The following UBE2E3 variants were observed in gnomAD, a reference collection of about 807,000 sequenced individuals.
The protein encoded by UBE2E3 is ubiquitin-conjugating enzyme E2 E3.
UBE2E3 carries 5 observed loss-of-function variants against 23.6 expected under a neutral mutation model. That is an observed-to-expected ratio of 0.21 (90% confidence interval 0.11 to 0.44). The LOEUF (loss-of-function observed/expected upper bound fraction) is 0.44. UBE2E3 is among the 20% of genes least tolerant of loss of function. UBE2E3 has a pLI of 0.99. For missense variants in UBE2E3, 81 were observed against 249.8 expected (o/e 0.32, Z 4.55); for synonymous variants, 78 against 87.5 (o/e 0.89, Z 0.60).
intron 3 of UBE2E3, among the ~76,000 whole-genome samples, chr2:180,997,279 T>A (rs1452083571): frequency 6.6e-6 from 1 of 152,084 alleles, no homozygotes; most frequent in Admixed American, 6.6e-5. Context: ...CTTTTGTGTC[T>A]TATATTTCTT....
chr2:181,010,011 A>G (rs1340990701), intron 3 of UBE2E3, among the ~76,000 whole-genome samples: 2 of 151,836 alleles, frequency 1.3e-5, no homozygotes, highest in African/African-American at 4.8e-5. Context: ...GCTTTGTTTT[A>G]TGCTACCCAG....
intron 3 of UBE2E3, among the ~76,000 whole-genome samples, chr2:181,034,735 A>G (rs1686214666): frequency 6.6e-6 from 1 of 152,212 alleles, no homozygotes; most frequent in Non-Finnish European, 1.5e-5. Flanking sequence ...TTTTATGTCC[A>G]GCTTAAAGTT....
chr2:181,048,357 T>G (rs1686732820), intron 3 of UBE2E3, among the ~76,000 whole-genome samples: 1 of 152,202 alleles, frequency 6.6e-6, no homozygotes, highest in Non-Finnish European at 1.5e-5. Context: ...TGAATGAATT[T>G]GTTTTCTTTA....
chr2:181,026,142 C>G (rs879001193), intron 3 of UBE2E3, among the ~76,000 whole-genome samples: 14 of 151,648 alleles, frequency 9.2e-5, no homozygotes, highest in Non-Finnish European at 1.8e-4. Context: ...TTTTAAACAG[C>G]AGGAAAAGAT....
intron 5 of UBE2E3, among the ~76,000 whole-genome samples, chr2:181,062,220 C>T (rs1168337513): frequency 6.6e-6 from 1 of 151,210 alleles, no homozygotes; most frequent in Non-Finnish European, 1.5e-5. Flanking sequence ...AATATTGTAC[C>T]ATATGTACAT....
At chr2:181,022,259 T>C (rs1035679884) in intron 3 of UBE2E3, among the ~76,000 whole-genome samples, 2 of 152,090 alleles carry the variant, frequency 1.3e-5, no homozygotes, top group African/African-American at 4.8e-5. Context: ...GAAAATAAGA[T>C]TAGTATTATT....
intron 4 of UBE2E3, among the ~76,000 whole-genome samples, chr2:181,060,314 T>G (rs62181579): frequency 6.6e-6 from 1 of 151,470 alleles, no homozygotes; most frequent in Admixed American, 6.6e-5. Flanking sequence ...AAACATTTCT[T>G]TTCTTCCTCA....
intron 5 of UBE2E3, among the ~76,000 whole-genome samples, chr2:181,061,488 T>C: frequency 6.9e-6 from 1 of 145,228 alleles, no homozygotes; most frequent in East Asian, 2.0e-4. Flanking sequence ...GCTCCTTCCA[T>C]GCTGCTGTAT....
At chr2:181,048,996 CTT>C (rs1174363639) in intron 3 of UBE2E3, among the ~76,000 whole-genome samples, 1 of 152,028 alleles carries the variant, frequency 6.6e-6, no homozygotes, top group African/African-American at 2.4e-5. Flanking sequence ...TTCTCCCTCT[CTT>C]GGGCAGTAGA....
At chr2:181,019,878 C>A (rs936326738) in intron 3 of UBE2E3, among the ~76,000 whole-genome samples, 9 of 152,006 alleles carry the variant, frequency 5.9e-5, no homozygotes, top group African/African-American at 2.2e-4. Flanking sequence ...ACTTTCTCAG[C>A]AAATATCAAG....
intron 3 of UBE2E3, among the ~76,000 whole-genome samples, chr2:181,023,670 A>G (rs905867240): frequency 6.6e-6 from 1 of 152,176 alleles, no homozygotes; most frequent in Admixed American, 6.5e-5. Context: ...GGGGCATCCA[A>G]TATAGCAAAG....
rs1684536954 is a variant in UBE2E3, at chr2:180,988,104, A to G, written c.245+4011A>G. 2.6e-5 allele frequency among the ~76,000 whole-genome samples: 4 copies of G among 152,114 alleles called. No homozygotes were observed. In the South Asian group the frequency reaches 8.3e-4, roughly 31 times the overall value. Reference sequence around the variant, plus strand: ...GGATTAAAATGATACCCCCCTTTATAATAGGGTTATTGTGAGGATTAAATG... The same window carrying G: ...GGATTAAAATGATACCCCCCTTTATGATAGGGTTATTGTGAGGATTAAATG... On this transcript the variant is annotated intron_variant, in intron 3 of 5. Coordinates refer to ENST00000410062, the MANE Select transcript of UBE2E3 (RefSeq NM_006357.4).
At position 181,062,839 on chromosome 2, in the gene UBE2E3, C is replaced by A. The variant is rs1687198978; in HGVS notation, c.575C>A (p.Ala192Glu). The change falls in exon 6 of 6, where the codon GCA becomes GAA. Residue 192 changes from alanine to glutamate, a missense_variant. Coordinates refer to ENST00000410062, the MANE Select transcript of UBE2E3 (RefSeq NM_006357.4). ...SIATQYLTNR[A>E]EHDRIARQWT... ...GCCACTCAGTATTTGACCAACAGAGCAGAACACGACAGGATAGCCAGACAG... is the reference window on the plus strand; with the variant it reads ...GCCACTCAGTATTTGACCAACAGAGAAGAACACGACAGGATAGCCAGACAG... 6.2e-7 allele frequency: 1 copy of A among 1,607,720 alleles called. No homozygotes were observed. Among genetic ancestry groups the A allele is most frequent in the East Asian group, 2.2e-5 (1 of 44,616 alleles).
intron 3 of UBE2E3, among the ~76,000 whole-genome samples, chr2:181,056,496 A>C (rs2105478974): frequency 6.6e-6 from 1 of 151,886 alleles, no homozygotes; most frequent in Middle Eastern, 3.4e-3. Context: ...AGGAAGCAAG[A>C]GAGAGAAACC....
At chr2:181,049,608 C>G (rs917107799) in intron 3 of UBE2E3, among the ~76,000 whole-genome samples, 21 of 152,080 alleles carry the variant, frequency 1.4e-4, no homozygotes, top group African/African-American at 4.3e-4. Flanking sequence ...AGACAAAGCA[C>G]AAGCTTTATA....
chr2:181,021,994 C>G (rs1685717268), intron 3 of UBE2E3, among the ~76,000 whole-genome samples: 1 of 152,098 alleles, frequency 6.6e-6, no homozygotes, highest in South Asian at 2.1e-4. Context: ...AGGGTAAAAA[C>G]TGCTCTGCCT....
chr2:181,033,550 A>C (rs1376740636), intron 3 of UBE2E3, among the ~76,000 whole-genome samples: 2 of 152,230 alleles, frequency 1.3e-5, no homozygotes, highest in Admixed American at 1.3e-4. Context: ...TAAAGACTTA[A>C]ATATTAGACC....
intron 3 of UBE2E3, among the ~76,000 whole-genome samples, chr2:181,042,946 A>G (rs573319432): frequency 1.7e-4 from 26 of 152,210 alleles, no homozygotes; most frequent in African/African-American, 4.3e-4. Context: ...AGCCTTTTCA[A>G]TACAGTTTAC....
chr2:181,015,577 A>T lies in UBE2E3; in HGVS notation c.245+31484A>T, dbSNP rs375416746. On this transcript the variant is annotated intron_variant, in intron 3 of 5. Transcript: ENST00000410062. ...CAGTGTCAGAATTCTTGGAAAAATG[A>T]ACAGTTTTCATTATATGATAAAGGT... 8.5e-5 allele frequency among the ~76,000 whole-genome samples: 13 copies of T among 152,326 alleles called. No individual in the cohort carries two copies. The South Asian group carries it at 2.3e-3, about 27-fold the overall frequency.
Sources: allele counts gnomAD v4.1 joint callset (sites outside exome capture counted in the v4.1 genomes callset), GRCh38; gene constraint gnomAD v4.1.1; transcripts MANE v1.5; gene names NCBI Gene and HGNC (gene_info 2026-07-23, HGNC 2026-07-21).